DAB1: variants seen among roughly 807,000 people sequenced by gnomAD.
DAB1 encodes the protein disabled homolog 1.
DAB1 carries 15 observed loss-of-function variants against 64.6 expected under a neutral mutation model. The ratio of observed to expected loss-of-function variants is 0.23; its 90% confidence interval spans 0.16 to 0.36. The LOEUF (loss-of-function observed/expected upper bound fraction) is 0.36. Among genes scored for constraint, DAB1 ranks in the 10% least tolerant of loss-of-function variants. DAB1 has a pLI of 1.00. For missense variants in DAB1, 596 were observed against 706.7 expected, an observed-to-expected ratio of 0.84 and a Z score of 1.78; for synonymous variants, 235 against 251.9, an observed-to-expected ratio of 0.93 and a Z score of 0.64.
chr1:57,057,619 TTTTTTG>T (rs1219280894), intron 9 of DAB1, among the ~76,000 whole-genome samples: 1 of 151,232 alleles, frequency 6.6e-6, no homozygotes, highest in African/African-American at 2.4e-5. Context: ...TTTTTTTTTT[TTTTTTG>T]GAGACAGAGT....
chr1:58,529,332 C>A (rs1646397967), intron 1 of DAB1, among the ~76,000 whole-genome samples: 1 of 152,112 alleles, frequency 6.6e-6, no homozygotes, highest in South Asian at 2.1e-4. Flanking sequence ...AATAACCAAA[C>A]CTCCTGGGAC....
intron 7 of DAB1, among the ~76,000 whole-genome samples, chr1:57,467,472 T>C (rs921898597): frequency 2.0e-5 from 3 of 152,164 alleles, no homozygotes; most frequent in African/African-American, 7.2e-5. Context: ...AGAATTTGTA[T>C]TGCAACAAGA....
chr1:58,387,510 A>G (rs1439985917), intron 3 of DAB1, among the ~76,000 whole-genome samples: 3 of 152,168 alleles, frequency 2.0e-5, no homozygotes, highest in Admixed American at 2.0e-4. Context: ...AGGTGGTGGG[A>G]AAGTGAAGGG....
chr1:58,465,741 A>C (rs2100320600), intron 3 of DAB1, among the ~76,000 whole-genome samples: 1 of 152,344 alleles, frequency 6.6e-6, no homozygotes, highest in African/African-American at 2.4e-5. Context: ...TTGGGCACTT[A>C]CCATGTGTTT....
At chr1:58,122,967 C>T (rs1315917987) in intron 5 of DAB1, among the ~76,000 whole-genome samples, 1 of 152,130 alleles carries the variant, frequency 6.6e-6, no homozygotes, top group Non-Finnish European at 1.5e-5. Context: ...AAAAAAAGAA[C>T]AGTAAGTGGC....
chr1:57,183,511 T>C (rs1013345058), intron 2 of DAB1, among the ~76,000 whole-genome samples: 3 of 152,016 alleles, frequency 2.0e-5, no homozygotes, highest in African/African-American at 7.2e-5. Flanking sequence ...AGGAGGTGAT[T>C]TGAAAGAGGG....
At chr1:58,416,338 G>A (rs185864179) in intron 3 of DAB1, among the ~76,000 whole-genome samples, 2 of 152,214 alleles carry the variant, frequency 1.3e-5, no homozygotes, top group African/African-American at 4.8e-5. Flanking sequence ...TTGAACCTAC[G>A]TTTTTCCATT....
chr1:57,955,342 C>T (rs889680798), intron 5 of DAB1, among the ~76,000 whole-genome samples: 4 of 152,146 alleles, frequency 2.6e-5, no homozygotes, highest in Non-Finnish European at 5.9e-5. Flanking sequence ...ACTCCAGCCC[C>T]AGAAGGACAC....
intron 4 of DAB1, among the ~76,000 whole-genome samples, chr1:58,319,125 G>A (rs1267655489): frequency 6.6e-6 from 1 of 152,050 alleles, no homozygotes; most frequent in Non-Finnish European, 1.5e-5. Context: ...GTGGTGTGTG[G>A]GGAGAAAGAG....
chr1:57,459,195 A>G (rs373225776), intron 7 of DAB1, among the ~76,000 whole-genome samples: 4 of 152,162 alleles, frequency 2.6e-5, no homozygotes, highest in African/African-American at 9.6e-5. Context: ...TTTAAACTCC[A>G]TGTTTTTCAC....
At chr1:57,026,520 A>G (rs1570533938) in intron 9 of DAB1, among the ~76,000 whole-genome samples, 1 of 152,140 alleles carries the variant, frequency 6.6e-6, no homozygotes, top group East Asian at 1.9e-4. Context: ...AGGAATCATC[A>G]TCCTCATTTT....
intron 2 of DAB1, among the ~76,000 whole-genome samples, chr1:58,518,252 GGGAGAGGGGAGAGGAGAGAGGAGAGGAGA>G (rs1306189984): frequency 7.6e-5 from 2 of 26,430 alleles, no homozygotes; most frequent in African/African-American, 2.1e-4. Context: ...GAGGGGAGAG[GGGAGAGGGGAGAGGAGAGAGGAGAGGAGA>G]AGAGAAGAGA....
intron 5 of DAB1, among the ~76,000 whole-genome samples, chr1:57,913,113 C>CA (rs765674838): frequency 3.5e-4 from 53 of 152,138 alleles, no homozygotes; most frequent in Admixed American, 1.9e-3. Flanking sequence ...CATATGGAAC[C>CA]AAAAAAGAGC....
chr1:57,121,231 G>T (rs1358538911), intron 4 of DAB1, among the ~76,000 whole-genome samples: 2 of 151,240 alleles, frequency 1.3e-5, no homozygotes, highest in Non-Finnish European at 1.5e-5. Flanking sequence ...GGAAGGGGAA[G>T]AAGAAGAGGA....
intron 2 of DAB1, among the ~76,000 whole-genome samples, chr1:57,287,746 A>T (rs979322698): frequency 1.3e-5 from 2 of 151,434 alleles, no homozygotes; most frequent in African/African-American, 4.9e-5. Context: ...CAAGAAATGA[A>T]TTAATGCTGT....
intron 5 of DAB1, among the ~76,000 whole-genome samples, chr1:57,985,952 T>C (rs1646207799): frequency 6.6e-6 from 1 of 152,192 alleles, no homozygotes; most frequent in Admixed American, 6.5e-5. Context: ...CCCTATGAGA[T>C]AGGTATTGTT....
chr1:57,692,905 T>C (rs1319362478), intron 6 of DAB1, among the ~76,000 whole-genome samples: 3 of 152,018 alleles, frequency 2.0e-5, no homozygotes, highest in Non-Finnish European at 4.4e-5. Flanking sequence ...AATCAGACAA[T>C]GCCTTTCAAA....
At chr1:57,459,749 T>C (rs994640835) in intron 7 of DAB1, among the ~76,000 whole-genome samples, 1 of 152,228 alleles carries the variant, frequency 6.6e-6, no homozygotes, top group Non-Finnish European at 1.5e-5. Flanking sequence ...CCTTGACTAC[T>C]GAGCCAATGC....
chr1:57,984,224 G>GAA (rs1646145985), intron 5 of DAB1, among the ~76,000 whole-genome samples: 1 of 143,770 alleles, frequency 7.0e-6, no homozygotes, highest in Non-Finnish European at 1.5e-5. Flanking sequence ...AAGAAAGAAA[G>GAA]AAAGAAAGAA....
Sources: allele counts gnomAD v4.1 joint callset (sites outside exome capture counted in the v4.1 genomes callset), GRCh38; gene constraint gnomAD v4.1.1; transcripts MANE v1.5; gene names NCBI Gene and HGNC (gene_info 2026-07-23, HGNC 2026-07-21).